Variants in CDKL5 observed in about 807,000 individuals in gnomAD.
CDKL5 encodes the protein cyclin dependent kinase like 5.
A neutral mutation model predicts 61.7 loss-of-function variants in CDKL5; 8 were observed. That is an observed-to-expected ratio of 0.13 (90% confidence interval 0.08 to 0.23). CDKL5 has a LOEUF of 0.23. CDKL5 is among the 10% of genes least tolerant of loss of function. CDKL5 has a pLI of 1.00. For missense variants in CDKL5, 440 were observed against 734.5 expected (o/e 0.60, Z 4.63); for synonymous variants, 275 against 272.3 (o/e 1.01, Z -0.10).
At chrX:18,531,739 G>A (rs1473167082) in intron 3 of CDKL5, among the ~76,000 whole-genome samples, 2 of 103,306 alleles carry the variant, frequency 1.9e-5, no homozygotes, top group Non-Finnish European at 3.9e-5. Flanking sequence ...TCGCTCTGTC[G>A]CCCAGGCCGG....
chrX:18,550,268 G>A (rs1426407054), intron 3 of CDKL5, among the ~76,000 whole-genome samples: 3 of 111,511 alleles, frequency 2.7e-5, no homozygotes, highest in African/African-American at 9.8e-5. Context: ...TGGGGTCCAC[G>A]CGTATAAGGA....
chrX:18,486,359 TTGTTATA>T (rs1464096587), intron 1 of CDKL5, among the ~76,000 whole-genome samples: 1 of 112,056 alleles, frequency 8.9e-6, no homozygotes, highest in Admixed American at 9.5e-5. Context: ...CAGGAAGACT[TTGTTATA>T]TGTGATTCAG....
intron 3 of CDKL5, among the ~76,000 whole-genome samples, chrX:18,557,387 C>T (rs770574640): frequency 8.9e-6 from 1 of 111,888 alleles, no homozygotes; most frequent in South Asian, 3.8e-4. Flanking sequence ...TATGCAAATA[C>T]TGTGCCATTT....
chrX:18,495,237 C>T (rs1470147267), intron 1 of CDKL5, among the ~76,000 whole-genome samples: 1 of 112,175 alleles, frequency 8.9e-6, no homozygotes, highest in Non-Finnish European at 1.9e-5. Context: ...ATTTTGTACT[C>T]TCTTTGGGAA....
At chrX:18,527,624 T>C (rs1422458245) in intron 3 of CDKL5, among the ~76,000 whole-genome samples, 8 of 111,626 alleles carry the variant, frequency 7.2e-5, no homozygotes, top group Non-Finnish European at 1.5e-4. Context: ...TTTTTTTCTC[T>C]TGGTTAATTT....
At chrX:18,623,391 T>C (rs1273812509) in intron 16 of CDKL5, among the ~76,000 whole-genome samples, 1 of 112,007 alleles carries the variant, frequency 8.9e-6, no homozygotes, top group African/African-American at 3.2e-5. Flanking sequence ...GTTTTCAGGC[T>C]TAAAAGTTGA....
intron 3 of CDKL5, among the ~76,000 whole-genome samples, chrX:18,540,638 CTTTTCTTTTCTT>C (rs1027302534): frequency 5.4e-5 from 6 of 110,682 alleles, no homozygotes; most frequent in Admixed American, 1.9e-4. Context: ...ATTGACAATT[CTTTTCTTTTCTT>C]TTTTCTTTTC....
Position 18,604,389 on chromosome X carries a change from C to T in CDKL5, c.1465C>T (p.His489Tyr). 8.3e-7 allele frequency: 1 copy of T among 1,210,678 alleles called. No homozygotes were observed. Among genetic ancestry groups the T allele is most frequent in the African/African-American group, 1.7e-5 (1 of 57,694 alleles). ...SPSYRTKAKS[H>Y]GALSDSKSVS... The stretch of plus-strand genomic sequence containing the variant: ...CTCCTACAGGACCAAGGCCAAAAGC[C>T]ATGGGGCACTGAGTGACTCCAAGTC... The change falls in exon 12 of 18, where the codon CAT becomes TAT. Residue 489 changes from histidine (H) to tyrosine (Y), a missense_variant. By Grantham distance (83) the His-to-Tyr change is moderately conservative. This residue lies in a region of CDKL5 where 363 missense variants were observed against 516.3 expected (regional missense o/e 0.70). Coordinates refer to ENST00000623535, the MANE Select transcript of CDKL5 (RefSeq NM_001323289.2).
intron 1 of CDKL5, among the ~76,000 whole-genome samples, chrX:18,483,578 G>A (rs1921668452): frequency 9.1e-6 from 1 of 109,522 alleles, no homozygotes; most frequent in Admixed American, 9.8e-5. Flanking sequence ...CACCACACCT[G>A]GCTAATTTTT....
At chrX:18,652,002 C>G (rs1011887511) in intron 21 of CDKL5, among the ~76,000 whole-genome samples, 6 of 110,320 alleles carry the variant, frequency 5.4e-5, no homozygotes, top group Non-Finnish European at 1.1e-4. Flanking sequence ...CCTGAGCTGG[C>G]TGAGGGGCCC....
At chrX:18,645,990 T>C (rs1378884405) in intron 19 of CDKL5, 1 of 1,211,130 alleles carries the variant, frequency 8.3e-7, no homozygotes, top group South Asian at 1.8e-5. Flanking sequence ...GCTCTTTTGT[T>C]TCTCCCCACT....
intron 1 of CDKL5, among the ~76,000 whole-genome samples, chrX:18,452,984 C>G (rs887905867): frequency 2.8e-5 from 3 of 108,698 alleles, no homozygotes; most frequent in African/African-American, 1.0e-4. Context: ...GCGTGCACCA[C>G]GACGCCTGGC....
Position 18,647,173 on chromosome X carries a change from TC to T in CDKL5, c.2797+1087del, listed in dbSNP as rs753537583. On this transcript the variant is annotated intron_variant, in intron 20 of 21. Transcript: ENST00000379989. ...TTTTTTAAAAGCACATGAAAAAAAA[TC>T]CCCGGGCCCTGCTTACCCAAAGCCT... The T allele has an allele frequency of 4.1e-6, 5 of 1,206,767 alleles. No homozygotes were observed. The African/African-American group carries it at 5.3e-5, about 13-fold the overall frequency.
At chrX:18,651,418 C>T (rs1026582038) in intron 21 of CDKL5, among the ~76,000 whole-genome samples, 3 of 111,254 alleles carry the variant, frequency 2.7e-5, no homozygotes, top group African/African-American at 6.5e-5. Flanking sequence ...AAGGAGGTCA[C>T]AGCCCCAGCT....
intron 9 of CDKL5, chrX:18,589,795 C>T (rs1415059665): frequency 8.9e-6 from 1 of 112,256 alleles, no homozygotes; most frequent in Non-Finnish European, 1.9e-5. Context: ...CTCTCCAGCA[C>T]CTGTTGTTTC....
Position 18,438,898 on chromosome X carries a change from G to T in CDKL5, c.-163+13203G>T, listed in dbSNP as rs1039027290. Among the ~76,000 whole-genome samples, 5 of 109,785 alleles carry T rather than the reference G, an allele frequency of 4.6e-5. No homozygotes were observed. The Admixed American group carries it at 4.9e-4, about 11-fold the overall frequency. ...TATTACATGCTTTGCTTTGATGCTT[G>T]TACCCTAGCTATATCCCAGGATCTT... On this transcript the variant is annotated intron_variant, in intron 1 of 17. Transcript: ENST00000623535.
chrX:18,595,000 G>A (rs1369664031), intron 9 of CDKL5, among the ~76,000 whole-genome samples: 2 of 111,542 alleles, frequency 1.8e-5, no homozygotes, highest in African/African-American at 6.5e-5. Flanking sequence ...GGCCAATGTA[G>A]TGAAACCCCA....
intron 10 of CDKL5, among the ~76,000 whole-genome samples, chrX:18,597,984 G>T (rs1926059014): frequency 9.0e-6 from 1 of 111,287 alleles, no homozygotes; most frequent in African/African-American, 3.3e-5. Flanking sequence ...TAAAATAAAA[G>T]GAACAGGTAG....
chrX:18,551,451 A>G (rs2147122435), intron 3 of CDKL5, among the ~76,000 whole-genome samples: 1 of 108,979 alleles, frequency 9.2e-6, no homozygotes, highest in Non-Finnish European at 1.9e-5. Flanking sequence ...GCATTTATCA[A>G]TTAAGTGGTC....
Sources: allele counts gnomAD v4.1 joint callset (sites outside exome capture counted in the v4.1 genomes callset), GRCh38; gene constraint gnomAD v4.1.1; regional missense constraint gnomAD v4.1.1; transcripts MANE v1.5; gene names NCBI Gene and HGNC (gene_info 2026-07-23, HGNC 2026-07-21).